KLK10: variants seen among roughly 807,000 people sequenced by gnomAD.
The protein encoded by KLK10 is kallikrein-10.
In KLK10, 27 loss-of-function variants were observed where a neutral mutation model predicts 25.7. That is an observed-to-expected ratio of 1.05 (90% CI 0.77 to 1.45). The LOEUF (loss-of-function observed/expected upper bound fraction) is 1.45. KLK10 is among the 40% of genes most tolerant of loss of function. KLK10 has a pLI of 0.00. For synonymous variants in KLK10, 173 were observed against 160.1 expected, an observed-to-expected ratio of 1.08 and a Z score of -0.61; for missense variants, 386 against 370.0, an observed-to-expected ratio of 1.04 and a Z score of -0.35.
At chr19:51,018,289 G>GA (rs1370896254) in intron 2 of KLK10, among the ~76,000 whole-genome samples, 1 of 143,878 alleles carries the variant, frequency 7.0e-6, no homozygotes, top group Non-Finnish European at 1.5e-5. Flanking sequence ...AGGAAGGAAG[G>GA]AAAGGAAGGA....
In KLK10 at chr19:51,014,743, G is replaced by GGGCATCTGGATCAGCAGGAGCAT; in HGVS notation, c.*34_*56dup. ...GAAGAGGATGGACGATGGAGCCTCT[G>GGGCATCTGGATCAGCAGGAGCAT]GGCATCTGGATCAGCAGGAGCATAA... On this transcript the variant is annotated 3_prime_UTR_variant, in exon 6 of 6. Coordinates refer to ENST00000358789, the MANE Select transcript of KLK10 (RefSeq NM_145888.3). 1 of 1,572,528 alleles carries GGGCATCTGGATCAGCAGGAGCAT rather than the reference G, an allele frequency of 6.4e-7. No homozygotes were observed. The highest frequency in any genetic ancestry group is 8.7e-7 in the Non-Finnish European group (1 of 1,148,594).
chr19:51,018,345 AAAG>A (rs1568566160), intron 2 of KLK10: 1 of 152,018 alleles, frequency 6.6e-6, no homozygotes, highest in Non-Finnish European at 1.5e-5. Context: ...GAAAAAGAAA[AAAG>A]AGAGAGAAAG....
Position 51,017,183 on chromosome 19 carries a change from C to A in KLK10, c.196G>T (p.Gly66Cys). ...ACACCCGCGCAGTGGAACGAGAGGC[C>A]GTTGAAGAGCGAGACCTGCCAGGGC... ...SQPWQVSLFNGLSFHCAGVLV... is the reference protein window; with the variant it reads ...SQPWQVSLFNCLSFHCAGVLV... Residue 66 changes from glycine (G) to cysteine (C), a missense_variant, in exon 3 of 6, where the codon GGC becomes TGC. Gly to Cys is a radical substitution (Grantham distance 159). Transcript: ENST00000358789. The A allele has an allele frequency of 4.3e-6, 7 of 1,612,114 alleles. No homozygotes were observed. The highest frequency in any genetic ancestry group is 5.9e-6 in the Non-Finnish European group (7 of 1,179,676).
chr19:51,016,077 C>T lies in KLK10; in HGVS notation c.349G>A (p.Val117Ile), dbSNP rs1302945621. ...EQLRRTTRSV[V>I]HPKYHQGSGP... ...GAGCCCTGGTGGTACTTGGGATGGA[C>T]AACAGAGCGAGTGGTCCGGCGGAGC... Residue 117 changes from valine (V) to isoleucine (I), a missense_variant, in exon 4 of 6, where the codon GTC (valine) becomes ATC (isoleucine). By Grantham distance (29) the Val-to-Ile change is conservative (BLOSUM62 3). Coordinates refer to ENST00000358789, the MANE Select transcript of KLK10 (RefSeq NM_145888.3). The T allele has an allele frequency of 1.3e-6, 2 of 1,573,810 alleles. No individual in the cohort carries two copies. The highest frequency in any genetic ancestry group is 1.7e-6 in the Non-Finnish European group (2 of 1,159,666).
chr19:51,018,223 A>AC, intron 2 of KLK10, among the ~76,000 whole-genome samples: 2 of 149,444 alleles, frequency 1.3e-5, no homozygotes, highest in South Asian at 2.1e-4. Flanking sequence ...AAAAAACAAG[A>AC]AAGAAAGAAG....
At chr19:51,015,621 A>G (rs1249668017) in intron 4 of KLK10, 71 bp from the exon 5 acceptor site, 4 of 1,534,886 alleles carry the variant, frequency 2.6e-6, no homozygotes, top group Admixed American at 3.4e-5. Flanking sequence ...GTCCAGATAC[A>G]AGACCGTTTC....
Position 51,017,268 on chromosome 19 carries a change from G to T in KLK10, c.111C>A (p.Pro37=). 1 of 1,608,426 alleles carries T rather than the reference G, an allele frequency of 6.2e-7. No individual in the cohort carries two copies. Among genetic ancestry groups the T allele is most frequent in the Non-Finnish European group, 8.5e-7 (1 of 1,177,842 alleles). ...CGGGGTCCAAGCGCGTGTCGTTTTG[G>T]GGGAGCAGCGCCGCCTCTGCGGCTG... ...QLWAAEAALL[P]QNDTRLDPEA... The change falls in exon 3 of 6, where the codon CCC becomes CCA. Residue 37 remains proline, a synonymous_variant. Coordinates refer to ENST00000358789, the MANE Select transcript of KLK10 (RefSeq NM_145888.3).
chr19:51,015,797 C>G, intron 4 of KLK10, 85 bp downstream of exon 4: 1 of 1,348,326 alleles, frequency 7.4e-7, no homozygotes, highest in Non-Finnish European at 9.9e-7. Context: ...GAATCCAGTC[C>G]CCAGCCCATC....
rs2091379393 is a variant in KLK10, at chr19:51,019,412, G to A, written c.-10+215C>T. Among the ~76,000 whole-genome samples, 2 of 152,186 alleles carry A rather than the reference G, an allele frequency of 1.3e-5. No homozygotes were observed. The highest frequency in any genetic ancestry group is 2.4e-5 in the African/African-American group (1 of 41,458). On this transcript the variant is annotated intron_variant, in intron 1 of 5. Coordinates refer to ENST00000358789, the MANE Select transcript of KLK10 (RefSeq NM_145888.3). The surrounding 1 kb of genome is among the most constrained non-coding windows in gnomAD (Gnocchi z 4.2). ...CCCCAGCTACCCTGGCTGCAGCCAC[G>A]CCGCGCCCGAGGTTTCCCCCTCCTT...
rs774205873 is a variant in KLK10 at position 51,015,554 on chromosome 19, A to G, written c.545-4T>C. ...GTCAGGCCCTTGTTGTACTTCACTG[A>G]AGGGAGAATATGCCAGTAATCCCTG... is the stretch of plus-strand genomic sequence containing the variant. On this transcript the variant is annotated splice_polypyrimidine_tract_variant and splice_region_variant and intron_variant, in intron 4 of 5. Coordinates refer to ENST00000358789, the MANE Select transcript of KLK10 (RefSeq NM_145888.3). 1 of 1,613,126 alleles carries G rather than the reference A, an allele frequency of 6.2e-7. No individual in the cohort carries two copies. Among genetic ancestry groups the G allele is most frequent in the South Asian group, 1.1e-5 (1 of 91,060 alleles).
intron 3 of KLK10, 27 bp from the exon 4 acceptor site, chr19:51,016,183 G>C (rs1203139748): frequency 6.5e-7 from 1 of 1,540,862 alleles, no homozygotes; most frequent in Admixed American, 1.9e-5. Flanking sequence ...GCATGTGAAG[G>C]CAAACCCTTC....
At position 51,017,019 on chromosome 19, in the gene KLK10, G is replaced by C. The variant is rs564947942; in HGVS notation, c.269+91C>G. Reference sequence around the variant, plus strand: ...ACCGGGGACCGCACCTCCAGCTGTGGGAGTTCCGAGAGACCCCGCCCTGCC... The same window carrying C: ...ACCGGGGACCGCACCTCCAGCTGTGCGAGTTCCGAGAGACCCCGCCCTGCC... On this transcript the variant is annotated intron_variant, in intron 3 of 5. Transcript: ENST00000358789. 3.1e-6 allele frequency: 4 copies of C among 1,275,646 alleles called. No individual in the cohort carries two copies. In the African/African-American group the frequency reaches 4.5e-5, roughly 14 times the overall value. 79.0% of individuals were successfully genotyped at this position (1,275,646 alleles called of 1,614,324 possible).
chr19:51,017,793 G>A (rs1293436270), intron 2 of KLK10, among the ~76,000 whole-genome samples: 1 of 151,206 alleles, frequency 6.6e-6, no homozygotes, highest in African/African-American at 2.4e-5. Flanking sequence ...AGACCAGCCC[G>A]GGCAACACAG....
chr19:51,014,700 G>A lies in KLK10; in HGVS notation c.*100C>T. On this transcript the variant is annotated 3_prime_UTR_variant, in exon 6 of 6. Transcript: ENST00000358789. ...TTTGAACAGTGCAGACAAGGGGAGAGTTCAGCCGACTGGGGAGGAAGAGGA... is the reference window on the plus strand; with the variant it reads ...TTTGAACAGTGCAGACAAGGGGAGAATTCAGCCGACTGGGGAGGAAGAGGA... The A allele has an allele frequency of 2.3e-6, 3 of 1,291,884 alleles. No homozygotes were observed. Among genetic ancestry groups the A allele is most frequent in the Non-Finnish European group, 3.3e-6 (3 of 907,592 alleles). 80.0% of individuals were successfully genotyped at this position (1,291,884 alleles called of 1,614,324 possible).
chr19:51,013,499 A>C lies in KLK10; in HGVS notation c.*1301T>G, dbSNP rs1416169443. 6.6e-6 allele frequency: 1 copy of C among 152,340 alleles called. No homozygotes were observed. Among genetic ancestry groups the C allele is most frequent in the Non-Finnish European group, 1.5e-5 (1 of 68,080 alleles). The allele number at this position is 152,340 out of a possible 1,614,324, so 9.4% of individuals were successfully genotyped here. A position where few individuals can be genotyped will look rare whatever the true frequency, so the allele number is the denominator to read the frequency against. On this transcript the variant is annotated 3_prime_UTR_variant, in exon 6 of 6. Coordinates refer to ENST00000358789, the MANE Select transcript of KLK10 (RefSeq NM_145888.3). ...GAGTGCAATGGTGCAATCTTGGCTC[A>C]CTGCAACCTCTGCCCCCCGGGTTCA... is the stretch of plus-strand genomic sequence containing the variant.
chr19:51,016,296 G>C, intron 3 of KLK10, 140 bp from the exon 4 acceptor site: 1 of 960,824 alleles, frequency 1.0e-6, no homozygotes, highest in Admixed American at 3.0e-5. Flanking sequence ...GTGGACATGG[G>C]GAGGAGGAAT....
rs2091379504 is a variant in KLK10, at chr19:51,019,420, C to A, written c.-10+207G>T. Among the ~76,000 whole-genome samples, 1 of 152,226 alleles carries A rather than the reference C, an allele frequency of 6.6e-6. No individual in the cohort carries two copies. ...ACCCTGGCTGCAGCCACGCCGCGCCCGAGGTTTCCCCCTCCTTCACGCGCG... is the reference window on the plus strand; with the variant it reads ...ACCCTGGCTGCAGCCACGCCGCGCCAGAGGTTTCCCCCTCCTTCACGCGCG... On this transcript the variant is annotated intron_variant, in intron 1 of 5. Transcript: ENST00000358789. The surrounding 1 kb of genome is among the most constrained non-coding windows in gnomAD (Gnocchi z 4.2).
At chr19:51,017,009 T>C in intron 3 of KLK10, 101 bp downstream of exon 3, 1 of 1,212,468 alleles carries the variant, frequency 8.2e-7, no homozygotes, top group Non-Finnish European at 1.1e-6. Flanking sequence ...GGACCGCACC[T>C]CCAGCTGTGG....
intron 3 of KLK10, among the ~76,000 whole-genome samples, chr19:51,016,427 C>G (rs978732229): frequency 6.6e-6 from 1 of 152,008 alleles, no homozygotes; most frequent in African/African-American, 2.4e-5. Flanking sequence ...GAGTTTCGCT[C>G]TTGTCACCCA....
Sources: allele counts gnomAD v4.1 joint callset (sites outside exome capture counted in the v4.1 genomes callset), GRCh38; gene constraint gnomAD v4.1.1; non-coding constraint Gnocchi (gnomAD v3.1); transcripts MANE v1.5; gene names NCBI Gene and HGNC (gene_info 2026-07-23, HGNC 2026-07-21).